The following ZFHX3 variants were observed in gnomAD, a reference collection of about 807,000 sequenced individuals.
ZFHX3 encodes the protein zinc finger homeobox protein 3.
ZFHX3 carries 42 observed loss-of-function variants against 279.1 expected under a neutral mutation model. The ratio of observed to expected loss-of-function variants is 0.15; its 90% CI spans 0.12 to 0.19. ZFHX3 has a LOEUF of 0.19. Ranked by LOEUF, ZFHX3 falls within the 10% of genes least tolerant of loss-of-function variation. The pLI is 1.00. For synonymous variants in ZFHX3, 2,293 were observed against 1,957.8 expected (o/e 1.17, Z -4.52); for missense variants, 4,981 against 4,754.0 (o/e 1.05, Z -1.40).
chr16:72,892,533 G>A (rs1222768537), intron 3 of ZFHX3, among the ~76,000 whole-genome samples: 19 of 150,066 alleles, frequency 1.3e-4, no homozygotes, highest in African/African-American at 4.7e-4. Flanking sequence ...TTTGAGACAG[G>A]GTCTCACTCT....
chr16:73,821,862 A>T (rs1200598074), intron 1 of ZFHX3, among the ~76,000 whole-genome samples: 4 of 152,194 alleles, frequency 2.6e-5, no homozygotes, highest in African/African-American at 9.6e-5. Context: ...TGACCTTTGT[A>T]AAGGCACCAC....
intron 2 of ZFHX3, among the ~76,000 whole-genome samples, chr16:73,591,661 C>T (rs2051998807): frequency 1.6e-5 from 2 of 125,048 alleles, no homozygotes; most frequent in African/African-American, 2.9e-5. Context: ...CCACTGCACT[C>T]CAGCCTGGGC....
At chr16:73,035,624 A>C in intron 1 of ZFHX3, among the ~76,000 whole-genome samples, 1 of 152,210 alleles carries the variant, frequency 6.6e-6, no homozygotes, top group Non-Finnish European at 1.5e-5. Context: ...TGTGGCTCAC[A>C]CCTGTAATCC....
chr16:73,175,381 AAAACAAAC>A (rs111246395), intron 5 of ZFHX3, among the ~76,000 whole-genome samples: 1 of 150,416 alleles, frequency 6.6e-6, no homozygotes, highest in East Asian at 2.0e-4. Context: ...CTATGTCTCC[AAAACAAAC>A]AAACAAACAA....
At chr16:73,492,075 C>T (rs1162146010) in intron 2 of ZFHX3, among the ~76,000 whole-genome samples, 2 of 152,198 alleles carry the variant, frequency 1.3e-5, no homozygotes, top group Non-Finnish European at 2.9e-5. Context: ...ATGCTACATA[C>T]CTATGCAGCT....
intron 8 of ZFHX3, among the ~76,000 whole-genome samples, chr16:73,068,018 C>T (rs1315771539): frequency 1.3e-5 from 2 of 152,146 alleles, no homozygotes; most frequent in Non-Finnish European, 2.9e-5. Flanking sequence ...TTTCCTACCT[C>T]CCTAGAGAGC....
At chr16:73,041,108 G>A (rs1965095363) in intron 1 of ZFHX3, among the ~76,000 whole-genome samples, 2 of 152,132 alleles carry the variant, frequency 1.3e-5, no homozygotes, top group African/African-American at 4.8e-5. Flanking sequence ...GCAGTGCTCT[G>A]GTCCTCAGCC....
rs542231187 is a variant in ZFHX3, at chr16:72,786,465, T to C, written c.*699A>G. ...AGTGCTTAACTTTTCCCCTTGAAATTGGCTTCAGCAGAAAAGCTATCCTTA... is the reference window on the plus strand; with the variant it reads ...AGTGCTTAACTTTTCCCCTTGAAATCGGCTTCAGCAGAAAAGCTATCCTTA... On this transcript the variant is annotated 3_prime_UTR_variant, in exon 10 of 10. Coordinates refer to ENST00000268489, the MANE Select transcript of ZFHX3 (RefSeq NM_006885.4). 3 of 151,470 alleles carry C rather than the reference T, an allele frequency of 2.0e-5. No individual in the cohort carries two copies. Among genetic ancestry groups the C allele is most frequent in the African/African-American group, 7.3e-5 (3 of 41,262 alleles). 9.4% of individuals were successfully genotyped at this position (151,470 alleles called of 1,614,324 possible).
At chr16:72,922,863 G>A (rs1419603976) in intron 3 of ZFHX3, among the ~76,000 whole-genome samples, 1 of 151,942 alleles carries the variant, frequency 6.6e-6, no homozygotes, top group Non-Finnish European at 1.5e-5. Flanking sequence ...TACCTGTCAG[G>A]GCTGGGGACA....
At chr16:73,879,447 T>A (rs1597155670) in intron 1 of ZFHX3, among the ~76,000 whole-genome samples, 1 of 152,088 alleles carries the variant, frequency 6.6e-6, no homozygotes, top group African/African-American at 2.4e-5. Context: ...TCCACCGGCA[T>A]GTCCTTTGCT....
intron 1 of ZFHX3, among the ~76,000 whole-genome samples, chr16:73,005,286 G>A (rs1224592833): frequency 2.0e-5 from 3 of 152,180 alleles, no homozygotes; most frequent in African/African-American, 7.2e-5. Context: ...ATGAGGCCAT[G>A]AGTTTGAGAC....
upstream of ZFHX3, chr16:73,048,486 G>C (rs1157600423): frequency 6.6e-6 from 1 of 152,172 alleles, no homozygotes; most frequent in Non-Finnish European, 1.5e-5. Flanking sequence ...GGCCTGCGCC[G>C]CCCCGGGAAC....
intron 1 of ZFHX3, among the ~76,000 whole-genome samples, chr16:73,709,184 C>T (rs2053333406): frequency 6.6e-6 from 1 of 152,088 alleles, no homozygotes; most frequent in Non-Finnish European, 1.5e-5. Flanking sequence ...TGCCAGCCTG[C>T]ACAAGACCCT....
At chr16:73,308,269 ATATATATATTTATT>A (rs1199290657) in intron 4 of ZFHX3, among the ~76,000 whole-genome samples, 22 of 26,666 alleles carry the variant, frequency 8.3e-4, no homozygotes, top group African/African-American at 1.7e-3. Context: ...ATATATATAT[ATATATATATTTATT>A]TATTTATTTT....
chr16:73,053,044 C>T (rs1225835320), upstream of ZFHX3, among the ~76,000 whole-genome samples: 4 of 152,124 alleles, frequency 2.6e-5, no homozygotes, highest in Admixed American at 1.3e-4. Flanking sequence ...ACTGCTTTTT[C>T]CCTCTCTCCC....
intron 4 of ZFHX3, among the ~76,000 whole-genome samples, chr16:72,843,066 C>CA (rs1200394510): frequency 1.3e-5 from 2 of 152,156 alleles, no homozygotes; most frequent in Non-Finnish European, 2.9e-5. Context: ...ATGAGGACAG[C>CA]AGATCTGGGA....
At chr16:73,839,253 T>C (rs1313185314) in intron 1 of ZFHX3, among the ~76,000 whole-genome samples, 1 of 140,690 alleles carries the variant, frequency 7.1e-6, no homozygotes, top group African/African-American at 2.6e-5. Flanking sequence ...TCCCAGCTAC[T>C]TGGGAGGCTG....
At chr16:73,839,723 C>T (rs1204695079) in intron 1 of ZFHX3, among the ~76,000 whole-genome samples, 1 of 152,190 alleles carries the variant, frequency 6.6e-6, no homozygotes, top group East Asian at 1.9e-4. Flanking sequence ...AATGGTTCCT[C>T]CGCACCCGTG....
intron 7 of ZFHX3, among the ~76,000 whole-genome samples, chr16:73,116,420 T>C (rs764146003): frequency 3.9e-5 from 6 of 152,102 alleles, no homozygotes; most frequent in Non-Finnish European, 7.3e-5. Flanking sequence ...GAACCAGAAA[T>C]GTGTAACAAA....
Sources: gnomAD v4.1 joint callset for allele counts (sites outside exome capture counted in the v4.1 genomes callset) on GRCh38, gnomAD v4.1.1 for gene constraint, MANE v1.5 for transcripts, NCBI Gene and HGNC (gene_info 2026-07-23, HGNC 2026-07-21) for gene names.